Variants in RFFL observed in about 807,000 individuals in gnomAD.
RFFL encodes E3 ubiquitin-protein ligase rififylin.
In RFFL, 16 loss-of-function variants were observed where a neutral mutation model predicts 40.4. The ratio of observed to expected loss-of-function variants is 0.40; its 90% CI spans 0.27 to 0.60. The LOEUF is 0.60. RFFL is among the 20% of genes least tolerant of loss of function. The pLI is 0.47. For missense variants in RFFL, 367 were observed against 451.7 expected (o/e 0.81, Z 1.70); for synonymous variants, 154 against 167.9 (o/e 0.92, Z 0.64).
intron 1 of RFFL, among the ~76,000 whole-genome samples, chr17:35,060,119 AC>A (rs1214862500): frequency 1.3e-5 from 2 of 152,130 alleles, no homozygotes; most frequent in African/African-American, 4.8e-5. Flanking sequence ...GACCGCTTTC[AC>A]TCACCAGCCT....
intron 3 of RFFL, among the ~76,000 whole-genome samples, chr17:35,018,421 C>CA (rs1597813152): frequency 6.6e-6 from 1 of 152,216 alleles, no homozygotes. Context: ...GTAGGCAGAA[C>CA]TGTTAGCCTC....
At chr17:35,017,106 T>C (rs1442327939) in intron 4 of RFFL, among the ~76,000 whole-genome samples, 1 of 152,008 alleles carries the variant, frequency 6.6e-6, no homozygotes, top group Admixed American at 6.6e-5. Flanking sequence ...TACTCCTCTA[T>C]ACACAACCTT....
At chr17:35,038,846 C>T (rs1472100731) in intron 1 of RFFL, among the ~76,000 whole-genome samples, 2 of 152,120 alleles carry the variant, frequency 1.3e-5, no homozygotes, top group African/African-American at 4.8e-5. Flanking sequence ...AAAAATTCAT[C>T]GAACTGTACA....
At chr17:35,043,051 C>T (rs1442064033) in intron 1 of RFFL, among the ~76,000 whole-genome samples, 4 of 152,106 alleles carry the variant, frequency 2.6e-5, no homozygotes, top group Non-Finnish European at 5.9e-5. Context: ...TTCTATCCTC[C>T]AAGGCAGTCC....
chr17:35,034,715 G>A (rs1298656177), intron 1 of RFFL, among the ~76,000 whole-genome samples: 2 of 151,862 alleles, frequency 1.3e-5, no homozygotes, highest in East Asian at 3.9e-4. Flanking sequence ...TAGTAGAGAC[G>A]GGGTTTCTCC....
chr17:35,014,466 G>A (rs1175181784), intron 6 of RFFL, among the ~76,000 whole-genome samples: 1 of 152,182 alleles, frequency 6.6e-6, no homozygotes. Flanking sequence ...CTGTTTCAGT[G>A]TTTTACAAAT....
chr17:35,079,066 T>C lies in RFFL; in HGVS notation c.-9+10039A>G, dbSNP rs116562482. Among the ~76,000 whole-genome samples, 768 of 152,120 alleles carry C rather than the reference T, an allele frequency of 5.0e-3. 4 individuals are homozygous for C. The highest frequency in any genetic ancestry group is 0.018 in the African/African-American group (742 of 41,506). On this transcript the variant is annotated intron_variant, in intron 1 of 6. Coordinates refer to the RFFL transcript ENST00000315249. The stretch of plus-strand genomic sequence containing the variant: ...ACATTTAACTAGTGGCATCAAAAAC[T>C]GCTTTCCTGACACGATATTCAGAAC...
chr17:35,058,174 A>G (rs925221125), intron 1 of RFFL, among the ~76,000 whole-genome samples: 1 of 152,078 alleles, frequency 6.6e-6, no homozygotes, highest in Non-Finnish European at 1.5e-5. Flanking sequence ...GATGAGATCT[A>G]TCTCAATGTA....
At chr17:35,030,410 T>C (rs917732736) in intron 1 of RFFL, among the ~76,000 whole-genome samples, 4 of 151,654 alleles carry the variant, frequency 2.6e-5, no homozygotes, top group Admixed American at 1.3e-4. Context: ...GGTATCTCAT[T>C]GTGGTTTTGA....
At chr17:35,042,823 CAAA>C (rs11296826) in intron 1 of RFFL, among the ~76,000 whole-genome samples, 3 of 60,476 alleles carry the variant, frequency 5.0e-5, no homozygotes, top group Non-Finnish European at 1.1e-4. Context: ...GACTCCATCT[CAAA>C]AAAAAAAAAA....
intron 2 of RFFL, among the ~76,000 whole-genome samples, chr17:35,024,337 T>C (rs1289267468): frequency 1.3e-5 from 2 of 152,170 alleles, no homozygotes; most frequent in African/African-American, 4.8e-5. Context: ...TACCTTTTTC[T>C]TTCCCCTTAC....
chr17:35,048,157 CTTTGGG>C (rs1412058868), intron 1 of RFFL, among the ~76,000 whole-genome samples: 1 of 151,930 alleles, frequency 6.6e-6, no homozygotes, highest in Non-Finnish European at 1.5e-5. Context: ...AATCCCAGAA[CTTTGGG>C]AGGCCGAGGT....
In RFFL at chr17:35,012,092, G is replaced by C; in HGVS notation, c.968C>G (p.Pro323Arg). 6.2e-7 allele frequency: 1 copy of C among 1,614,158 alleles called. No individual in the cohort carries two copies. Among genetic ancestry groups the C allele is most frequent in the South Asian group, 1.1e-5 (1 of 91,070 alleles). ...ENLCKICMDS[P>R]IDCVLLECGH... ...ACACTCCAGAAGAACACAGTCAATG[G>C]GTGAGTCCATGCAGATCTTACACAG... The change falls in exon 7 of 7, where the codon CCC becomes CGC. Residue 323 changes from proline (P) to arginine (R), a missense_variant. Pro to Arg is a moderately radical substitution (Grantham distance 103). Coordinates refer to ENST00000394597, the MANE Select transcript of RFFL (RefSeq NM_001017368.2).
chr17:35,029,527 T>C (rs1305946218), intron 1 of RFFL, among the ~76,000 whole-genome samples: 1 of 147,122 alleles, frequency 6.8e-6, no homozygotes, highest in Non-Finnish European at 1.5e-5. Context: ...CTTTCTTTTT[T>C]TTTTTTTTTT....
intron 1 of RFFL, among the ~76,000 whole-genome samples, chr17:35,043,308 C>A (rs1289786128): frequency 6.6e-6 from 1 of 152,188 alleles, no homozygotes; most frequent in Non-Finnish European, 1.5e-5. Flanking sequence ...ACATTCCCTA[C>A]ACCTCACAGG....
Position 35,011,841 on chromosome 17 carries a change from T to C in RFFL, c.*127A>G. 1.1e-6 allele frequency: 1 copy of C among 895,540 alleles called. No homozygotes were observed. The highest frequency in any genetic ancestry group is 1.7e-6 in the Non-Finnish European group (1 of 572,338). The allele number at this position is 895,540 out of a possible 1,614,324, so 55.5% of individuals were successfully genotyped here. ...CATGCTCAGGGGTGACATGGCATCT[T>C]GCTTGACCTGGTTTTGGGAACCCTG... On this transcript the variant is annotated 3_prime_UTR_variant, in exon 7 of 7. Transcript: ENST00000394597.
At chr17:35,080,798 C>G (rs1186858784) in intron 1 of RFFL, among the ~76,000 whole-genome samples, 1 of 152,188 alleles carries the variant, frequency 6.6e-6, no homozygotes, top group Admixed American at 6.5e-5. Flanking sequence ...TGGATTTCCC[C>G]TACTCTTAGA....
intron 1 of RFFL, among the ~76,000 whole-genome samples, chr17:35,034,975 T>C (rs989197422): frequency 2.0e-5 from 3 of 152,130 alleles, no homozygotes; most frequent in Admixed American, 6.6e-5. Context: ...AGAAGAAAAC[T>C]CTTCTTTAGC....
Position 35,011,849 on chromosome 17 carries a change from C to G in RFFL, c.*119G>C, listed in dbSNP as rs1164050261. The G allele has an allele frequency of 3.1e-6, 3 of 974,452 alleles. No homozygotes were observed. The highest frequency in any genetic ancestry group is 3.2e-5 in the African/African-American group (2 of 61,722). 60.4% of individuals were successfully genotyped at this position (974,452 alleles called of 1,614,324 possible). On this transcript the variant is annotated 3_prime_UTR_variant, in exon 7 of 7. Transcript: ENST00000394597. ...GGGGTGACATGGCATCTTGCTTGAC[C>G]TGGTTTTGGGAACCCTGCAATATTT... is the stretch of plus-strand genomic sequence containing the variant.
Sources: gnomAD v4.1 joint callset for allele counts (sites outside exome capture counted in the v4.1 genomes callset) on GRCh38, gnomAD v4.1.1 for gene constraint, MANE v1.5 for transcripts, NCBI Gene and HGNC (gene_info 2026-07-23, HGNC 2026-07-21) for gene names.